The following PRKACB variants were observed in gnomAD, a reference collection of about 807,000 sequenced individuals.
PRKACB encodes cAMP-dependent protein kinase catalytic subunit beta.
PRKACB carries 16 observed loss-of-function variants against 51.4 expected under a neutral mutation model. The observed-to-expected ratio is 0.31, with a 90% CI of 0.21 to 0.47. PRKACB has a LOEUF of 0.47. Among genes scored for constraint, PRKACB ranks in the 20% least tolerant of loss-of-function variants. PRKACB has a pLI of 1.00. For missense variants in PRKACB, 309 were observed against 464.5 expected (o/e 0.67, Z 3.08); for synonymous variants, 147 against 154.4 (o/e 0.95, Z 0.35).
At chr1:84,149,009 A>G (rs1354385766) in intron 1 of PRKACB, among the ~76,000 whole-genome samples, 1 of 152,170 alleles carries the variant, frequency 6.6e-6, no homozygotes, top group African/African-American at 2.4e-5. Flanking sequence ...ACCTAGACCT[A>G]CTTAGTCAGA....
chr1:84,204,852 C>G (rs975818554), intron 8 of PRKACB: 5 of 983,126 alleles, frequency 5.1e-6, no homozygotes, highest in Non-Finnish European at 6.1e-6. Context: ...AATGTGTCTT[C>G]ATTTTTATGC....
At chr1:84,117,939 A>G (rs550055206) in intron 1 of PRKACB, among the ~76,000 whole-genome samples, 9 of 152,304 alleles carry the variant, frequency 5.9e-5, no homozygotes, top group Middle Eastern at 3.4e-3. Context: ...AAAACTTCCC[A>G]TGATGACTGT....
In PRKACB at chr1:84,236,725, A is replaced by G. The variant is rs1676692984; in HGVS notation, c.*1420A>G. On this transcript the variant is annotated 3_prime_UTR_variant, in exon 10 of 10. Coordinates refer to ENST00000370685, the MANE Select transcript of PRKACB (RefSeq NM_182948.4). ...TCAAGCACTTTTGCACATTTAGTTC[A>G]GTGTTTGTTGAGAATCCATGGCTTA... 6.6e-6 allele frequency: 1 copy of G among 152,486 alleles called. No individual in the cohort carries two copies. Among genetic ancestry groups the G allele is most frequent in the Non-Finnish European group, 1.5e-5 (1 of 67,982 alleles). 9.4% of individuals were successfully genotyped at this position (152,486 alleles called of 1,614,324 possible). A position where few individuals can be genotyped will look rare whatever the true frequency, so the allele number is the denominator to read the frequency against.
At chr1:84,184,666 T>C (rs1664567860) in intron 4 of PRKACB, among the ~76,000 whole-genome samples, 1 of 151,936 alleles carries the variant, frequency 6.6e-6, no homozygotes, top group Non-Finnish European at 1.5e-5. Context: ...TGAAACATTT[T>C]AATCTTTTTT....
At chr1:84,173,098 A>G (rs1007437970) in intron 1 of PRKACB, among the ~76,000 whole-genome samples, 3 of 151,734 alleles carry the variant, frequency 2.0e-5, no homozygotes, top group African/African-American at 7.2e-5. Context: ...AGGACAGAAG[A>G]TGATAATTTA....
intron 1 of PRKACB, among the ~76,000 whole-genome samples, chr1:84,133,416 A>T (rs1262383022): frequency 1.3e-5 from 2 of 152,226 alleles, no homozygotes; most frequent in Non-Finnish European, 2.9e-5. Context: ...AAGGAAAAAA[A>T]TGAAGGTAAA....
rs1676625260 is a variant in PRKACB, at chr1:84,235,961, T to G, written c.*656T>G. 1 of 152,624 alleles carries G rather than the reference T, an allele frequency of 6.6e-6. No homozygotes were observed. The highest frequency in any genetic ancestry group is 1.5e-5 in the Non-Finnish European group (1 of 68,056). 9.5% of individuals were successfully genotyped at this position (152,624 alleles called of 1,614,324 possible). On this transcript the variant is annotated 3_prime_UTR_variant, in exon 10 of 10. Coordinates refer to ENST00000370685, the MANE Select transcript of PRKACB (RefSeq NM_182948.4). Reference sequence around the variant, plus strand: ...TGTAGATCAGAGGTTCTAGTTCCCTTTCCCTCCTTTTATATCCTCCTCTCC... The same window carrying G: ...TGTAGATCAGAGGTTCTAGTTCCCTGTCCCTCCTTTTATATCCTCCTCTCC...
In PRKACB at chr1:84,236,010, G is replaced by A. The variant is rs1676629138; in HGVS notation, c.*705G>A. ...CCTTGAGTAATGAAGTGACCAGCCT[G>A]TGTAGTGTGACAAACGTGTCTCATT... On this transcript the variant is annotated 3_prime_UTR_variant, in exon 10 of 10. Coordinates refer to ENST00000370685, the MANE Select transcript of PRKACB (RefSeq NM_182948.4). 1 of 152,554 alleles carries A rather than the reference G, an allele frequency of 6.6e-6. No individual in the cohort carries two copies. Among genetic ancestry groups the A allele is most frequent in the East Asian group, 1.9e-4 (1 of 5,196 alleles). The allele number at this position is 152,554 out of a possible 1,614,324, so 9.5% of individuals were successfully genotyped here.
At chr1:84,142,091 T>G (rs1653472137), upstream of PRKACB, among the ~76,000 whole-genome samples, 1 of 152,190 alleles carries the variant, frequency 6.6e-6, no homozygotes, top group African/African-American at 2.4e-5. Context: ...TCGGTGATTC[T>G]ACTTAGACCT....
At chr1:84,083,931 C>T (rs1647755888) in intron 1 of PRKACB, among the ~76,000 whole-genome samples, 1 of 152,164 alleles carries the variant, frequency 6.6e-6, no homozygotes, top group Admixed American at 6.5e-5. Flanking sequence ...ACAGACTCTA[C>T]ACAAGACTAT....
At chr1:84,229,665 C>T (rs1402293021) in intron 9 of PRKACB, among the ~76,000 whole-genome samples, 3 of 151,724 alleles carry the variant, frequency 2.0e-5, no homozygotes, top group Non-Finnish European at 3.0e-5. Flanking sequence ...TTTTGATTTG[C>T]ATTTCTCTGA....
intron 1 of PRKACB, among the ~76,000 whole-genome samples, chr1:84,102,202 C>G (rs1466403734): frequency 6.7e-6 from 1 of 149,288 alleles, no homozygotes; most frequent in African/African-American, 2.5e-5. Context: ...AACCCCATCT[C>G]TACTAAAAAA....
At chr1:84,170,724 A>G (rs1422465863) in intron 1 of PRKACB, among the ~76,000 whole-genome samples, 4 of 151,670 alleles carry the variant, frequency 2.6e-5, no homozygotes, top group Admixed American at 6.6e-5. Flanking sequence ...CCTGCCAATA[A>G]TGTCACTAGA....
At chr1:84,191,472 T>C (rs1438806220) in intron 5 of PRKACB, among the ~76,000 whole-genome samples, 1 of 152,142 alleles carries the variant, frequency 6.6e-6, no homozygotes, top group Non-Finnish European at 1.5e-5. Context: ...ATGTGGTATA[T>C]ATACACCATG....
intron 1 of PRKACB, among the ~76,000 whole-genome samples, chr1:84,083,164 A>G (rs958737961): frequency 2.6e-5 from 4 of 152,186 alleles, no homozygotes; most frequent in Non-Finnish European, 4.4e-5. Context: ...AGGTCTTTAC[A>G]CCTTTCAATT....
intron 1 of PRKACB, among the ~76,000 whole-genome samples, chr1:84,174,222 C>G (rs950373333): frequency 6.6e-6 from 1 of 151,836 alleles, no homozygotes; most frequent in African/African-American, 2.4e-5. Flanking sequence ...GTTGCTGTTT[C>G]CTGGATAAAC....
In PRKACB at chr1:84,204,834, TTAAAA is replaced by T. The variant is rs1404341531; in HGVS notation, c.906+2031_906+2035del. 5.1e-6 allele frequency: 5 copies of T among 983,088 alleles called. No homozygotes were observed. In the East Asian group the frequency reaches 4.9e-4, roughly 97 times the overall value. 60.9% of individuals were successfully genotyped at this position (983,088 alleles called of 1,614,324 possible). ...CATTTATTAAGAAAAACTGCTTTAG[TTAAAA>T]TTAATGTGTCTTCATTTTTATGCAT... is the stretch of plus-strand genomic sequence containing the variant. On this transcript the variant is annotated intron_variant, in intron 8 of 9. Coordinates refer to ENST00000370685, the MANE Select transcript of PRKACB (RefSeq NM_182948.4).
At chr1:84,112,872 G>A (rs1188701905) in intron 1 of PRKACB, among the ~76,000 whole-genome samples, 1 of 152,146 alleles carries the variant, frequency 6.6e-6, no homozygotes, top group Non-Finnish European at 1.5e-5. Context: ...CCGAGTGACA[G>A]AGGAATGTTT....
Position 84,111,724 on chromosome 1 carries a change from TA to T in PRKACB, c.46+33363del, listed in dbSNP as rs549032161. On this transcript the variant is annotated intron_variant, in intron 1 of 8. Transcript: ENST00000370688. ...CACATGTACCCCTGAACTTAAAAGT[TA>T]AAAAAAAAAGTATATGTCCATGCCA... Among the ~76,000 whole-genome samples, 576 of 146,938 alleles carry T rather than the reference TA, an allele frequency of 3.9e-3. 2 individuals are homozygous for T. Among genetic ancestry groups the T allele is most frequent in the African/African-American group, 0.012 (479 of 40,190 alleles).
Sources: allele counts gnomAD v4.1 joint callset (sites outside exome capture counted in the v4.1 genomes callset), GRCh38; gene constraint gnomAD v4.1.1; transcripts MANE v1.5; gene names NCBI Gene and HGNC (gene_info 2026-07-23, HGNC 2026-07-21).